The following SESN3 variants were observed in gnomAD, a reference collection of about 807,000 sequenced individuals.
SESN3 encodes the protein sestrin-3.
SESN3 carries 21 observed loss-of-function variants against 55.3 expected under a neutral mutation model. The ratio of observed to expected loss-of-function variants is 0.38; its 90% CI spans 0.27 to 0.55. The LOEUF (loss-of-function observed/expected upper bound fraction) is 0.55, where lower values mean the gene tolerates loss of function less well. Among genes scored for constraint, SESN3 ranks in the 20% least tolerant of loss-of-function variants. SESN3 has a pLI of 0.76. For synonymous variants in SESN3, 181 were observed against 203.1 expected (o/e 0.89, Z 0.93); for missense variants, 408 against 604.3 (o/e 0.68, Z 3.41).
chr11:95,184,555 T>A lies in SESN3; in HGVS notation c.802A>T (p.Arg268Trp). 1 of 1,613,516 alleles carries A rather than the reference T, an allele frequency of 6.2e-7. No individual in the cohort carries two copies. The highest frequency in any genetic ancestry group is 8.5e-7 in the Non-Finnish European group (1 of 1,179,686). ...SLSELEALME[R>W]MKRLQEERED... is the part of the protein sequence containing the mutation. ...CTTTCTTCTTGAAGTCTTTTCATCC[T>A]TTCCATTAAGGCCTCTAGCTCACTT... The change falls in exon 6 of 10, where the codon AGG (arginine) becomes TGG (tryptophan). Residue 268 changes from arginine to tryptophan, a missense_variant. Physicochemically the swap from Arg to Trp is moderately radical, Grantham distance 101 (BLOSUM62 -3). Coordinates refer to ENST00000536441, the MANE Select transcript of SESN3 (RefSeq NM_144665.4).
chr11:95,169,508 A>G lies in SESN3; in HGVS notation c.*3747T>C, dbSNP rs919624830. On this transcript the variant is annotated 3_prime_UTR_variant, in exon 10 of 10. Coordinates refer to ENST00000536441, the MANE Select transcript of SESN3 (RefSeq NM_144665.4). ...CAGTTCTATTAAAGAGAAGAATTTA[A>G]GGTCTTGCTTTCCAGAGAAATGATT... The G allele has an allele frequency of 6.6e-6, 1 of 152,266 alleles. No homozygotes were observed. Among genetic ancestry groups the G allele is most frequent in the African/African-American group, 2.4e-5 (1 of 41,470 alleles). The allele number at this position is 152,266 out of a possible 1,614,324, so 9.4% of individuals were successfully genotyped here. A position where few individuals can be genotyped will look rare whatever the true frequency, so the allele number is the denominator to read the frequency against.
chr11:95,213,410 G>A (rs1476697073), intron 1 of SESN3, among the ~76,000 whole-genome samples: 1 of 152,152 alleles, frequency 6.6e-6, no homozygotes, highest in Non-Finnish European at 1.5e-5. Context: ...AAAAGACAAA[G>A]TAAGATTACC....
chr11:95,169,439 A>C lies in SESN3; in HGVS notation c.*3816T>G, dbSNP rs1859809125. On this transcript the variant is annotated 3_prime_UTR_variant, in exon 10 of 10. Transcript: ENST00000536441. ...TATTTACATAACAAACATTATTGTT[A>C]TGTACTGTTTAGTCCATGTTAAGAC... 1.3e-5 allele frequency: 2 copies of C among 152,220 alleles called. No individual in the cohort carries two copies. The highest frequency in any genetic ancestry group is 2.9e-5 in the Non-Finnish European group (2 of 68,034). The allele number at this position is 152,220 out of a possible 1,614,324, so 9.4% of individuals were successfully genotyped here.
intron 1 of SESN3, among the ~76,000 whole-genome samples, chr11:95,207,072 C>T (rs897219014): frequency 2.0e-4 from 31 of 152,136 alleles, no homozygotes; most frequent in Admixed American, 1.6e-3. Flanking sequence ...AACCACCACG[C>T]GCGGCCAACA....
At chr11:95,208,888 C>A (rs2134252760) in intron 1 of SESN3, among the ~76,000 whole-genome samples, 1 of 151,606 alleles carries the variant, frequency 6.6e-6, no homozygotes. Context: ...TGAAACTGGA[C>A]CCCTTCCTGA....
intron 9 of SESN3, 36 bp downstream of exon 9, chr11:95,175,462 T>C (rs200218535): frequency 3.0e-5 from 46 of 1,544,400 alleles, no homozygotes; most frequent in Non-Finnish European, 4.0e-5. Context: ...ACTGAAGAAC[T>C]GTCTATGGTA....
In SESN3 at chr11:95,223,988, A is replaced by AT. The variant is rs1204823067; in HGVS notation, c.78+6794dup. 6.4e-4 allele frequency among the ~76,000 whole-genome samples: 97 copies of AT among 152,324 alleles called. 1 individual carries two copies. The highest frequency in any genetic ancestry group is 2.1e-3 in the African/African-American group (89 of 41,580). On this transcript the variant is annotated intron_variant, in intron 1 of 9. Transcript: ENST00000536441. ...TATTACAAAATAATATAAATCACAT[A>AT]TTTTTTGGAATAATTGTATTTTCCA...
chr11:95,195,536 G>A (rs139476022), intron 1 of SESN3, among the ~76,000 whole-genome samples: 4 of 152,224 alleles, frequency 2.6e-5, no homozygotes, highest in East Asian at 1.9e-4. Context: ...CAGCTACGGC[G>A]TATGACATAT....
At chr11:95,215,107 T>C (rs1230688143) in intron 1 of SESN3, among the ~76,000 whole-genome samples, 1 of 152,124 alleles carries the variant, frequency 6.6e-6, no homozygotes, top group Non-Finnish European at 1.5e-5. Flanking sequence ...CTGAAGTGGA[T>C]GTAAACAATT....
intron 1 of SESN3, among the ~76,000 whole-genome samples, chr11:95,193,840 G>A (rs1860311347): frequency 6.6e-6 from 1 of 152,056 alleles, no homozygotes; most frequent in Non-Finnish European, 1.5e-5. Context: ...TAATAAAATA[G>A]TGTTTTATAG....
rs751531531 is a variant in SESN3 at position 95,230,870 on chromosome 11, G to T, written c.-10C>A. On this transcript the variant is annotated 5_prime_UTR_variant, in exon 1 of 10. Transcript: ENST00000536441. The surrounding 1 kb of genome is among the most constrained non-coding windows in gnomAD (Gnocchi z 4.6). ...CGCCGCCCCGGTTCATCGTGGCTGCGGGCGCCGAGGCGAGAGCGGGCGGAG... is the reference window on the plus strand; with the variant it reads ...CGCCGCCCCGGTTCATCGTGGCTGCTGGCGCCGAGGCGAGAGCGGGCGGAG... 6.4e-7 allele frequency: 1 copy of T among 1,567,766 alleles called. No individual in the cohort carries two copies. Among genetic ancestry groups the T allele is most frequent in the Admixed American group, 1.9e-5 (1 of 53,802 alleles).
intron 1 of SESN3, among the ~76,000 whole-genome samples, chr11:95,202,005 C>A (rs1056343489): frequency 6.6e-6 from 1 of 152,022 alleles, no homozygotes; most frequent in Non-Finnish European, 1.5e-5. Context: ...CCCTTAAGCC[C>A]TGTCTCAAAT....
At chr11:95,207,956 G>T (rs972749993) in intron 1 of SESN3, among the ~76,000 whole-genome samples, 8 of 151,056 alleles carry the variant, frequency 5.3e-5, no homozygotes, top group African/African-American at 1.9e-4. Context: ...TTATAGGCGT[G>T]AGCCACCACA....
chr11:95,182,737 A>G (rs1860080030), intron 6 of SESN3, among the ~76,000 whole-genome samples: 1 of 152,190 alleles, frequency 6.6e-6, no homozygotes, highest in Admixed American at 6.5e-5. Flanking sequence ...TCCTTACAGT[A>G]GGGACTCTAC....
Position 95,210,553 on chromosome 11 carries a change from G to A in SESN3, c.79-17031C>T, listed in dbSNP as rs138838051. Among the ~76,000 whole-genome samples, 44 of 152,294 alleles carry A rather than the reference G, an allele frequency of 2.9e-4. No homozygotes were observed. The East Asian group carries it at 5.4e-3, about 19-fold the overall frequency. On this transcript the variant is annotated intron_variant, in intron 1 of 9. Coordinates refer to ENST00000536441, the MANE Select transcript of SESN3 (RefSeq NM_144665.4). ...TGGTGAACTAAGGTGGAGGGTAGAT[G>A]TTTGAAGTATGTATCCTAATACACA...
intron 1 of SESN3, among the ~76,000 whole-genome samples, chr11:95,218,915 G>C (rs1187736152): frequency 2.0e-5 from 3 of 152,198 alleles, no homozygotes; most frequent in African/African-American, 7.2e-5. Context: ...GCCTCCCAAA[G>C]TGCTGGGATT....
intron 1 of SESN3, among the ~76,000 whole-genome samples, chr11:95,201,614 AGAACCCTGTAT>A (rs1268766453): frequency 6.6e-6 from 1 of 152,070 alleles, no homozygotes; most frequent in Non-Finnish European, 1.5e-5. Flanking sequence ...AGGTAGCTCT[AGAACCCTGTAT>A]GACCCCAGAA....
chr11:95,196,979 C>T (rs1193489977), intron 1 of SESN3, among the ~76,000 whole-genome samples: 1 of 152,160 alleles, frequency 6.6e-6, no homozygotes. Flanking sequence ...ACCTATTTGT[C>T]CTATTTGGGC....
chr11:95,195,507 T>C (rs532596220), intron 1 of SESN3, among the ~76,000 whole-genome samples: 4 of 152,304 alleles, frequency 2.6e-5, no homozygotes, highest in South Asian at 2.1e-4. Flanking sequence ...AAGAATTAGA[T>C]TGGCAGAATG....
Sources: allele counts gnomAD v4.1 joint callset (sites outside exome capture counted in the v4.1 genomes callset), GRCh38; gene constraint gnomAD v4.1.1; non-coding constraint Gnocchi (gnomAD v3.1); transcripts MANE v1.5; gene names NCBI Gene and HGNC (gene_info 2026-07-23, HGNC 2026-07-21).